RBMS3: variants seen among roughly 807,000 people sequenced by gnomAD.
The protein encoded by RBMS3 is RNA binding motif single stranded interacting protein 3, also known as RNA-binding motif, single-stranded-interacting protein 3.
In RBMS3, 27 loss-of-function variants were observed where a neutral mutation model predicts 66.8. The observed-to-expected ratio is 0.40, with a 90% CI of 0.30 to 0.56. The LOEUF (loss-of-function observed/expected upper bound fraction) is 0.56, where lower values mean the gene tolerates loss of function less well. RBMS3 is among the 20% of genes least tolerant of loss of function. The probability of loss-of-function intolerance (pLI) is 0.40; values close to 1 mark genes in which losing one functional copy is unlikely to be tolerated. For synonymous variants in RBMS3, 188 were observed against 183.0 expected (o/e 1.03, Z -0.22); for missense variants, 513 against 549.5 (o/e 0.93, Z 0.66).
chr3:29,389,161 G>A (rs1016480580), intron 1 of RBMS3, among the ~76,000 whole-genome samples: 2 of 152,146 alleles, frequency 1.3e-5, no homozygotes, highest in Admixed American at 6.5e-5. Flanking sequence ...GACTCTCACT[G>A]TCTTCTCTTC....
intron 11 of RBMS3, among the ~76,000 whole-genome samples, chr3:29,943,266 A>G (rs1035037679): frequency 1.3e-5 from 2 of 151,844 alleles, no homozygotes; most frequent in Non-Finnish European, 2.9e-5. Flanking sequence ...CTATTTAACC[A>G]TGTGTTGGCA....
chr3:29,987,568 A>T (rs1213500234), intron 12 of RBMS3, among the ~76,000 whole-genome samples: 1 of 152,176 alleles, frequency 6.6e-6, no homozygotes, highest in African/African-American at 2.4e-5. Context: ...AACAATAGAG[A>T]CTTCAATATT....
rs550119864 is a variant in RBMS3 at position 29,792,961 on chromosome 3, A to G, written c.637+29972A>G. 3.3e-5 allele frequency among the ~76,000 whole-genome samples: 5 copies of G among 152,298 alleles called. No individual in the cohort carries two copies. The South Asian group carries it at 1.0e-3, about 32-fold the overall frequency. On this transcript the variant is annotated intron_variant, in intron 6 of 14. Coordinates refer to ENST00000383767, the MANE Select transcript of RBMS3 (RefSeq NM_001003793.3). The stretch of plus-strand genomic sequence containing the variant: ...AAATTCCTTGAAGGAAAAGCTGGCC[A>G]GGTGTGGTGGCTCTCACCTTTAATC...
chr3:29,679,640 T>C (rs2051402452), intron 4 of RBMS3, among the ~76,000 whole-genome samples: 1 of 152,074 alleles, frequency 6.6e-6, no homozygotes, highest in Non-Finnish European at 1.5e-5. Flanking sequence ...TCATTAGCCG[T>C]ATTATATCAT....
chr3:29,453,836 T>G (rs946192735), intron 2 of RBMS3, among the ~76,000 whole-genome samples: 4 of 152,144 alleles, frequency 2.6e-5, no homozygotes, highest in African/African-American at 9.7e-5. Flanking sequence ...TGCTGGCATC[T>G]CCCTTTGGCC....
chr3:29,747,393 G>GGT lies in RBMS3; in HGVS notation c.557+7516_557+7517insGT, dbSNP rs1559630993. ...ATCTATCTAGGTAGGTAGGTAGGTA[G>GGT]ATAGATAGATAGATAGATAGATAGA... On this transcript the variant is annotated intron_variant, in intron 5 of 14. Transcript: ENST00000383767. 3.8e-3 allele frequency among the ~76,000 whole-genome samples: 33 copies of GGT among 8,736 alleles called. 1 individual carries two copies. Among genetic ancestry groups the GGT allele is most frequent in the African/African-American group, 9.5e-3 (29 of 3,062 alleles). The allele number at this position is 8,736 out of a possible 152,430, so 5.7% of individuals were successfully genotyped here. A position where few individuals can be genotyped will look rare whatever the true frequency, so the allele number is the denominator to read the frequency against.
rs1449817628 is a variant in RBMS3 at position 29,828,786 on chromosome 3, C to CTG, written c.638-40064_638-40063dup. On this transcript the variant is annotated intron_variant, in intron 6 of 14. Coordinates refer to ENST00000383767, the MANE Select transcript of RBMS3 (RefSeq NM_001003793.3). ...AAAAAAGTAGTGATTTTTTTTTCCA[C>CTG]TGTGTGTGTTTTAAATGGCCTTAGC... Among the ~76,000 whole-genome samples, 21 of 151,788 alleles carry CTG rather than the reference C, an allele frequency of 1.4e-4. 1 individual carries two copies. Among genetic ancestry groups the CTG allele is most frequent in the Admixed American group, 1.4e-3 (21 of 15,240 alleles).
intron 2 of RBMS3, among the ~76,000 whole-genome samples, chr3:29,451,958 G>A (rs1035009994): frequency 1.3e-5 from 2 of 152,160 alleles, no homozygotes; most frequent in African/African-American, 4.8e-5. Context: ...CTGAAAAGAG[G>A]AGGAAAAATC....
rs538735759 is a variant in RBMS3 at position 29,988,003 on chromosome 3, A to G, written c.1099-140A>G. On this transcript the variant is annotated intron_variant, in intron 12 of 14. Coordinates refer to ENST00000383767, the MANE Select transcript of RBMS3 (RefSeq NM_001003793.3). ...TTTCAATACAGAGAGGAGCTGCCTT[A>G]TTTTTAGTGAAAATTGAGCTGGGAA... is the stretch of plus-strand genomic sequence containing the variant. 2.3e-5 allele frequency: 15 copies of G among 649,144 alleles called. No homozygotes were observed. The African/African-American group carries it at 2.7e-4, about 12-fold the overall frequency. The allele number at this position is 649,144 out of a possible 1,614,324, so 40.2% of individuals were successfully genotyped here. A position where few individuals can be genotyped will look rare whatever the true frequency, so the allele number is the denominator to read the frequency against.
At chr3:29,379,255 A>T (rs1214854823) in intron 1 of RBMS3, among the ~76,000 whole-genome samples, 1 of 152,144 alleles carries the variant, frequency 6.6e-6, no homozygotes, top group Non-Finnish European at 1.5e-5. Context: ...AACCTCTTTC[A>T]CCTAAGAGTT....
chr3:29,861,645 C>T (rs2149535696), intron 6 of RBMS3, among the ~76,000 whole-genome samples: 1 of 152,286 alleles, frequency 6.6e-6, no homozygotes, highest in East Asian at 1.9e-4. Context: ...AAAATACATT[C>T]TCATACCTTA....
Position 30,010,034 on chromosome 3 carries a change from AT to A in RBMS3, c.*6173del, listed in dbSNP as rs1241808893. On this transcript the variant is annotated 3_prime_UTR_variant, in exon 15 of 15. Coordinates refer to ENST00000383767, the MANE Select transcript of RBMS3 (RefSeq NM_001003793.3). The stretch of plus-strand genomic sequence containing the variant: ...AAAAATGGAATCTTAATTTAAAAAA[AT>A]ATATGTAGTAGTATCTGCTATGAGA... The A allele has an allele frequency of 1.3e-5, 2 of 152,082 alleles. No individual in the cohort carries two copies. The highest frequency in any genetic ancestry group is 2.4e-5 in the African/African-American group (1 of 41,414). 9.4% of individuals were successfully genotyped at this position (152,082 alleles called of 1,614,324 possible). A position where few individuals can be genotyped will look rare whatever the true frequency, so the allele number is the denominator to read the frequency against.
chr3:29,362,199 A>G (rs1268595535), intron 1 of RBMS3, among the ~76,000 whole-genome samples: 1 of 152,084 alleles, frequency 6.6e-6, no homozygotes, highest in Non-Finnish European at 1.5e-5. Flanking sequence ...TTGGTCTTTG[A>G]TGATGGTGAC....
At chr3:29,851,480 AC>A (rs781683466) in intron 6 of RBMS3, among the ~76,000 whole-genome samples, 30 of 152,250 alleles carry the variant, frequency 2.0e-4, no homozygotes, top group Admixed American at 9.2e-4. Context: ...CATCTTTAGG[AC>A]TTTTTCCATC....
chr3:29,662,581 C>G (rs1163452786), intron 4 of RBMS3, among the ~76,000 whole-genome samples: 1 of 152,192 alleles, frequency 6.6e-6, no homozygotes, highest in Non-Finnish European at 1.5e-5. Context: ...AATTCCAACA[C>G]TATGAGAAAA....
intron 2 of RBMS3, among the ~76,000 whole-genome samples, chr3:29,446,906 CTTTTTTT>C (rs11293530): frequency 1.5e-5 from 1 of 68,582 alleles, no homozygotes; most frequent in Non-Finnish European, 2.5e-5. Context: ...ATTAAGCAGT[CTTTTTTT>C]TTTTTTTTTT....
At chr3:29,573,245 C>G (rs755614873) in intron 3 of RBMS3, among the ~76,000 whole-genome samples, 1 of 152,086 alleles carries the variant, frequency 6.6e-6, no homozygotes, top group Admixed American at 6.6e-5. Flanking sequence ...CTCAGCCTCC[C>G]GACTAGCTGG....
At chr3:29,930,657 C>T (rs1241830932) in intron 10 of RBMS3, among the ~76,000 whole-genome samples, 2 of 151,814 alleles carry the variant, frequency 1.3e-5, no homozygotes, top group Admixed American at 6.6e-5. Context: ...AAAAATGTTA[C>T]CAGACATTGC....
intron 6 of RBMS3, among the ~76,000 whole-genome samples, chr3:29,796,844 C>A (rs555630243): frequency 6.6e-6 from 1 of 151,764 alleles, no homozygotes; most frequent in African/African-American, 2.4e-5. Flanking sequence ...TCCAGAGTAG[C>A]TGGGACTATA....
Sources: gnomAD v4.1 joint callset for allele counts (sites outside exome capture counted in the v4.1 genomes callset) on GRCh38, gnomAD v4.1.1 for gene constraint, MANE v1.5 for transcripts, NCBI Gene and HGNC (gene_info 2026-07-23, HGNC 2026-07-21) for gene names.